ST14: variants seen among roughly 807,000 people sequenced by gnomAD.
ST14 encodes the protein suppressor of tumorigenicity 14 protein.
In ST14, 40 loss-of-function variants were observed where a neutral mutation model predicts 96.5. That is an observed-to-expected ratio of 0.41 (90% CI 0.32 to 0.54). The LOEUF (loss-of-function observed/expected upper bound fraction) is 0.54, where lower values mean the gene tolerates loss of function less well. Ranked by LOEUF, ST14 falls within the 20% of genes least tolerant of loss-of-function variation. The pLI, the probability that ST14 is intolerant of heterozygous loss-of-function variation, is 0.17. For missense variants in ST14, 1,066 were observed against 1,188.9 expected (o/e 0.90, Z 1.52); for synonymous variants, 506 against 492.1 (o/e 1.03, Z -0.37).
intron 12 of ST14, 41 bp from the exon 13 acceptor site, chr11:130,198,267 G>A (rs906162015): frequency 2.5e-6 from 4 of 1,572,598 alleles, no homozygotes; most frequent in Non-Finnish European, 3.5e-6. Flanking sequence ...AGCAGTGAGT[G>A]ATGAGGGCCT....
chr11:130,172,411 CTTTTTT>C (rs1173051845), intron 1 of ST14, among the ~76,000 whole-genome samples: 3 of 88,286 alleles, frequency 3.4e-5, no homozygotes, highest in African/African-American at 1.0e-4. Context: ...TGGCTGTCTT[CTTTTTT>C]TTTTTTTTTT....
chr11:130,208,413 C>G lies in ST14; in HGVS notation c.1998C>G (p.Tyr666Ter). The change falls in exon 17 of 19, where the codon TAC becomes TAG. Residue 666 changes from tyrosine (Y) to a stop codon, truncating the protein, a stop_gained. Coordinates refer to ENST00000278742, the MANE Select transcript of ST14 (RefSeq NM_021978.4). LOFTEE classifies it high-confidence loss of function. ...HCYIDDRGFR[Y>*]SDPTQWTAFL... ...TCATAGCGGCTCTCCCTACCAGGTA[C>G]TCAGACCCCACGCAGTGGACGGCCT... The G allele has an allele frequency of 6.2e-7, 1 of 1,614,080 alleles. No individual in the cohort carries two copies.
At chr11:130,180,048 G>T (rs577461658) in intron 1 of ST14, among the ~76,000 whole-genome samples, 1 of 152,304 alleles carries the variant, frequency 6.6e-6, no homozygotes, top group East Asian at 1.9e-4. Context: ...CCCTGGTGGG[G>T]GTGATGACAT....
At chr11:130,201,781 T>C (rs1953431226) in intron 16 of ST14, among the ~76,000 whole-genome samples, 1 of 152,232 alleles carries the variant, frequency 6.6e-6, no homozygotes, top group East Asian at 1.9e-4. Context: ...CCTTGCTAAG[T>C]TGCTAAGCTT....
At chr11:130,208,895 C>T (rs1953516999) in intron 17 of ST14, among the ~76,000 whole-genome samples, 1 of 152,170 alleles carries the variant, frequency 6.6e-6, no homozygotes, top group Non-Finnish European at 1.5e-5. Context: ...GGCTTTGCCC[C>T]TAACTAGCTG....
intron 1 of ST14, among the ~76,000 whole-genome samples, chr11:130,160,591 G>A (rs1012993900): frequency 6.6e-6 from 1 of 152,166 alleles, no homozygotes; most frequent in Non-Finnish European, 1.5e-5. Flanking sequence ...CTCCAGAGTT[G>A]GGCTTGCCTG....
Position 130,186,294 on chromosome 11 carries a change from A to G in ST14, c.82-1820A>G, listed in dbSNP as rs370825229. ...TTTGTGGTTAGAAAAAAATTTTTAA[A>G]AAGTATGTGTTCCACCACAATGAAG... On this transcript the variant is annotated intron_variant, in intron 1 of 18. Coordinates refer to ENST00000278742, the MANE Select transcript of ST14 (RefSeq NM_021978.4). 4.6e-5 allele frequency among the ~76,000 whole-genome samples: 7 copies of G among 152,252 alleles called. No homozygotes were observed. In the East Asian group the frequency reaches 7.7e-4, roughly 17 times the overall value.
Position 130,160,064 on chromosome 11 carries a change from A to G in ST14, c.81+4A>G. On this transcript the variant is annotated splice_donor_region_variant and intron_variant, in intron 1 of 18. Coordinates refer to ENST00000278742, the MANE Select transcript of ST14 (RefSeq NM_021978.4). Reference sequence around the variant, plus strand: ...CAAGTACAACTCCCGGCACGAGGTGAGCGCGGGCCGGGGACCCGGGGCGCT... The same window carrying G: ...CAAGTACAACTCCCGGCACGAGGTGGGCGCGGGCCGGGGACCCGGGGCGCT... The G allele has an allele frequency of 7.0e-7, 1 of 1,424,880 alleles. No individual in the cohort carries two copies. The highest frequency in any genetic ancestry group is 9.3e-7 in the Non-Finnish European group (1 of 1,080,648). 88.3% of individuals were successfully genotyped at this position (1,424,880 alleles called of 1,614,324 possible). A position where few individuals can be genotyped will look rare whatever the true frequency, so the allele number is the denominator to read the frequency against.
intron 8 of ST14, 96 bp from the exon 9 acceptor site, chr11:130,194,544 G>A (rs1163113931): frequency 7.5e-7 from 1 of 1,336,834 alleles, no homozygotes; most frequent in Non-Finnish European, 1.1e-6. Context: ...CACGCGTCCA[G>A]GAGGCAGCTC....
At chr11:130,160,842 C>A (rs1478174185) in intron 1 of ST14, among the ~76,000 whole-genome samples, 3 of 152,188 alleles carry the variant, frequency 2.0e-5, no homozygotes, top group Non-Finnish European at 2.9e-5. Context: ...CGGGCGGGAC[C>A]AGCAGCCAGG....
chr11:130,195,376 C>T (rs138928449), intron 9 of ST14, among the ~76,000 whole-genome samples: 163 of 152,262 alleles, frequency 1.1e-3, no homozygotes, highest in African/African-American at 2.9e-3. Context: ...GGTGATGGAA[C>T]GACCTGGGCA....
At chr11:130,202,588 A>G (rs1042785058) in intron 16 of ST14, among the ~76,000 whole-genome samples, 5 of 152,194 alleles carry the variant, frequency 3.3e-5, no homozygotes, top group Non-Finnish European at 7.3e-5. Flanking sequence ...CCTTCCAGAC[A>G]AAGGGAGTGT....
intron 4 of ST14, chr11:130,189,375 A>C: frequency 2.2e-6 from 1 of 448,192 alleles, no homozygotes; most frequent in Non-Finnish European, 4.1e-6. Context: ...ACCCTGGGGA[A>C]TGCTGTGTGG....
At chr11:130,172,868 T>C (rs1953105565) in intron 1 of ST14, among the ~76,000 whole-genome samples, 1 of 152,172 alleles carries the variant, frequency 6.6e-6, no homozygotes, top group South Asian at 2.1e-4. Flanking sequence ...GAGGTCTTTT[T>C]CTAGGATGGA....
Position 130,198,280 on chromosome 11 carries a change from C to T in ST14, c.1460-28C>T, listed in dbSNP as rs746092133. 36 of 1,603,648 alleles carry T rather than the reference C, an allele frequency of 2.2e-5. No homozygotes were observed. In the Middle Eastern group the frequency reaches 8.2e-4, roughly 37 times the overall value. Reference sequence around the variant, plus strand: ...GAAGCAGTGAGTGATGAGGGCCTCACGGCCGACCTCCCCTTACCCCACTCC... The same window carrying T: ...GAAGCAGTGAGTGATGAGGGCCTCATGGCCGACCTCCCCTTACCCCACTCC... On this transcript the variant is annotated intron_variant, in intron 12 of 18. Coordinates refer to ENST00000278742, the MANE Select transcript of ST14 (RefSeq NM_021978.4).
Position 130,209,783 on chromosome 11 carries a change from C to T in ST14, c.2528C>T (p.Pro843Leu), listed in dbSNP as rs1438405345. The change falls in exon 19 of 19, where the codon CCT becomes CTT. Residue 843 changes from proline (P) to leucine (L), a missense_variant. Transcript: ENST00000278742. ...RNKPGVYTRL[P>L]LFRDWIKENT... Reference sequence around the variant, plus strand: ...AAGCCAGGCGTGTACACAAGGCTCCCTCTGTTTCGGGACTGGATCAAAGAG... The same window carrying T: ...AAGCCAGGCGTGTACACAAGGCTCCTTCTGTTTCGGGACTGGATCAAAGAG... 1.2e-6 allele frequency: 2 copies of T among 1,614,086 alleles called. No homozygotes were observed. Among genetic ancestry groups the T allele is most frequent in the African/African-American group, 1.3e-5 (1 of 75,058 alleles).
chr11:130,164,840 C>T (rs776143115), intron 1 of ST14, among the ~76,000 whole-genome samples: 2 of 151,848 alleles, frequency 1.3e-5, no homozygotes, highest in South Asian at 2.1e-4. Flanking sequence ...TGGATTCAAG[C>T]GATTCTCCTG....
intron 17 of ST14, among the ~76,000 whole-genome samples, chr11:130,209,166 G>A (rs1347551325): frequency 6.6e-6 from 1 of 152,230 alleles, no homozygotes; most frequent in South Asian, 2.1e-4. Flanking sequence ...CATTTGCGGC[G>A]CCTTCCCTCC....
intron 9 of ST14, among the ~76,000 whole-genome samples, 194 bp from the exon 10 acceptor site, chr11:130,196,145 G>A (rs1953359855): frequency 6.6e-6 from 1 of 152,160 alleles, no homozygotes; most frequent in Admixed American, 6.5e-5. Context: ...GGGCGACAGA[G>A]CAAGACTCCA....
Sources: gnomAD v4.1 joint callset for allele counts (sites outside exome capture counted in the v4.1 genomes callset) on GRCh38, gnomAD v4.1.1 for gene constraint, MANE v1.5 for transcripts, NCBI Gene and HGNC (gene_info 2026-07-23, HGNC 2026-07-21) for gene names.